The following PCLO variants were observed in gnomAD, a reference collection of about 807,000 sequenced individuals.
PCLO encodes protein piccolo.
PCLO carries 82 observed loss-of-function variants against 427.5 expected under a neutral mutation model. That is an observed-to-expected ratio of 0.19 (90% confidence interval 0.16 to 0.23). PCLO has a LOEUF of 0.23. Among genes scored for constraint, PCLO ranks in the 10% least tolerant of loss-of-function variants. The pLI is 1.00. For missense variants in PCLO, 6,239 were observed against 6,115.9 expected, an observed-to-expected ratio of 1.02 and a Z score of -0.67; for synonymous variants, 2,357 against 2,155.4, an observed-to-expected ratio of 1.09 and a Z score of -2.59.
intron 16 of PCLO, 92 bp downstream of exon 16, chr7:82,835,575 T>C (rs1792213504): frequency 1.1e-6 from 1 of 876,028 alleles, no homozygotes; most frequent in Admixed American, 2.2e-5. Context: ...TTACAGCCCA[T>C]GTTGAAGTGC....
chr7:83,107,477 C>A (rs950736613), intron 3 of PCLO, among the ~76,000 whole-genome samples: 1 of 100,138 alleles, frequency 1.0e-5, no homozygotes, highest in African/African-American at 5.8e-5. Flanking sequence ...TTAATCATGA[C>A]CAAAATATCT....
rs141484464 is a variant in PCLO, at chr7:82,938,185, T to A, written c.11112+11291A>T. Reference sequence around the variant, plus strand: ...AACATCAGTAAGAAATACAGAAATGTTTAATTTGCTTTAAAGAATATATTA... The same window carrying A: ...AACATCAGTAAGAAATACAGAAATGATTAATTTGCTTTAAAGAATATATTA... On this transcript the variant is annotated intron_variant, in intron 6 of 24. Transcript: ENST00000333891. 2.3e-3 allele frequency among the ~76,000 whole-genome samples: 343 copies of A among 152,014 alleles called. 2 individuals are homozygous for A. Among genetic ancestry groups the A allele is most frequent in the African/African-American group, 7.9e-3 (330 of 41,554 alleles).
In PCLO at chr7:82,755,353, A is replaced by G. The variant is rs1361738319; in HGVS notation, c.*3222T>C. 1 of 152,156 alleles carries G rather than the reference A, an allele frequency of 6.6e-6. No homozygotes were observed. The highest frequency in any genetic ancestry group is 1.9e-4 in the East Asian group (1 of 5,202). 9.4% of individuals were successfully genotyped at this position (152,156 alleles called of 1,614,324 possible). A position where few individuals can be genotyped will look rare whatever the true frequency, so the allele number is the denominator to read the frequency against. ...ACTGAAATATAAATAAAGAGTTCAG[A>G]GTCACCAAAAATCTTCTTAATCTTA... is the stretch of plus-strand genomic sequence containing the variant. On this transcript the variant is annotated 3_prime_UTR_variant, in exon 25 of 25. Transcript: ENST00000333891.
intron 9 of PCLO, among the ~76,000 whole-genome samples, chr7:82,902,000 T>C (rs1257811565): frequency 2.0e-5 from 3 of 151,556 alleles, no homozygotes; most frequent in Non-Finnish European, 4.4e-5. Context: ...AGTTCAACCA[T>C]TGTGGAAGTC....
chr7:82,892,335 C>T lies in PCLO; in HGVS notation c.13528+10316G>A, dbSNP rs189597622. ...AAAACAAGAAATGGGGAAAGGATTCCCTATTTAATAAATAGTGCTGGGAAA... is the reference window on the plus strand; with the variant it reads ...AAAACAAGAAATGGGGAAAGGATTCTCTATTTAATAAATAGTGCTGGGAAA... On this transcript the variant is annotated intron_variant, in intron 9 of 24. Coordinates refer to ENST00000333891, the MANE Select transcript of PCLO (RefSeq NM_033026.6). Among the ~76,000 whole-genome samples the T allele has an allele frequency of 5.8e-3, 885 of 152,118 alleles. 13 individuals are homozygous for T. The highest frequency in any genetic ancestry group is 0.02 in the African/African-American group (835 of 41,502).
At chr7:82,939,698 T>C (rs1795035944) in intron 6 of PCLO, among the ~76,000 whole-genome samples, 2 of 148,372 alleles carry the variant, frequency 1.3e-5, no homozygotes, top group Non-Finnish European at 3.0e-5. Flanking sequence ...TATTTTCCAC[T>C]GGAAATATAT....
intron 3 of PCLO, among the ~76,000 whole-genome samples, chr7:83,114,556 T>G (rs1791086071): frequency 6.6e-6 from 1 of 152,088 alleles, no homozygotes; most frequent in Non-Finnish European, 1.5e-5. Context: ...GTGATGAATT[T>G]TAAAGAAACT....
chr7:82,813,055 A>G (rs1190467513), intron 20 of PCLO, among the ~76,000 whole-genome samples: 1 of 151,768 alleles, frequency 6.6e-6, no homozygotes, highest in Non-Finnish European at 1.5e-5. Context: ...GACTGCTTAG[A>G]TAACAAGAAT....
chr7:83,011,259 A>G (rs1382968186), intron 3 of PCLO, among the ~76,000 whole-genome samples: 1 of 152,102 alleles, frequency 6.6e-6, no homozygotes, highest in African/African-American at 2.4e-5. Context: ...AATTAACAAA[A>G]TATATATTTT....
At position 82,869,813 on chromosome 7, in the gene PCLO, G is replaced by A. The variant is rs181939912; in HGVS notation, c.13654+9524C>T. Among the ~76,000 whole-genome samples, 783 of 151,948 alleles carry A rather than the reference G, an allele frequency of 5.2e-3. 2 individuals carry two copies. The highest frequency in any genetic ancestry group is 8.4e-3 in the African/African-American group (347 of 41,494). On this transcript the variant is annotated intron_variant, in intron 10 of 24. Transcript: ENST00000333891. ...CTATTTAAAACAGCTACAGTATAAT[G>A]AAATACCTAAGAATAAATTTAACTA...
intron 3 of PCLO, among the ~76,000 whole-genome samples, chr7:83,070,554 T>C (rs549776097): frequency 6.6e-6 from 1 of 151,952 alleles, no homozygotes; most frequent in Admixed American, 6.6e-5. Context: ...GTCCGGCTAA[T>C]TTTTTTGTAT....
chr7:82,917,965 ATT>A (rs1194329165), intron 6 of PCLO, among the ~76,000 whole-genome samples: 2 of 151,846 alleles, frequency 1.3e-5, no homozygotes, highest in Middle Eastern at 3.4e-3. Context: ...AATAATTTTT[ATT>A]TGTTTTCTGT....
chr7:83,110,561 T>G (rs1343563910), intron 3 of PCLO, among the ~76,000 whole-genome samples: 1 of 152,300 alleles, frequency 6.6e-6, no homozygotes, highest in East Asian at 1.9e-4. Context: ...CCCTTTTCTT[T>G]GTTATCACAA....
At chr7:82,837,921 G>A (rs1792269610) in intron 15 of PCLO, among the ~76,000 whole-genome samples, 1 of 151,924 alleles carries the variant, frequency 6.6e-6, no homozygotes, top group African/African-American at 2.4e-5. Flanking sequence ...TTCCTTAAAT[G>A]ATTTCATAGT....
intron 3 of PCLO, among the ~76,000 whole-genome samples, chr7:83,106,737 A>C (rs903467370): frequency 6.6e-6 from 1 of 152,130 alleles, no homozygotes; most frequent in African/African-American, 2.4e-5. Context: ...ATAGGCTATA[A>C]AAAATTTAAC....
intron 22 of PCLO, among the ~76,000 whole-genome samples, chr7:82,798,402 T>C (rs1407049572): frequency 6.6e-6 from 1 of 152,130 alleles, no homozygotes; most frequent in Non-Finnish European, 1.5e-5. Flanking sequence ...CCCCGCTAAA[T>C]TGGCTGTTTA....
intron 20 of PCLO, chr7:82,820,705 G>A: frequency 2.4e-6 from 3 of 1,231,012 alleles, no homozygotes; most frequent in Non-Finnish European, 3.0e-6. Context: ...AGTTACACTT[G>A]AAATAATAGG....
At chr7:82,936,787 G>T (rs972439098) in intron 6 of PCLO, among the ~76,000 whole-genome samples, 2 of 151,364 alleles carry the variant, frequency 1.3e-5, no homozygotes, top group African/African-American at 4.8e-5. Context: ...AACAAACTGT[G>T]GCATATAGAA....
At chr7:82,835,546 A>T in intron 16 of PCLO, 121 bp downstream of exon 16, 1 of 707,270 alleles carries the variant, frequency 1.4e-6, no homozygotes, top group Non-Finnish European at 2.4e-6. Context: ...ATAGATACAA[A>T]CATGTAGAAA....
Sources: allele counts gnomAD v4.1 joint callset (sites outside exome capture counted in the v4.1 genomes callset), GRCh38; gene constraint gnomAD v4.1.1; transcripts MANE v1.5; gene names NCBI Gene and HGNC (gene_info 2026-07-23, HGNC 2026-07-21).